The following ST3GAL2 variants were observed in gnomAD, a reference collection of about 807,000 sequenced individuals.
The protein encoded by ST3GAL2 is CMP-N-acetylneuraminate-beta-galactosamide-alpha-2,3-sialyltransferase 2.
A neutral mutation model predicts 37.5 loss-of-function variants in ST3GAL2; 16 were observed. The observed-to-expected ratio is 0.43, with a 90% CI of 0.29 to 0.65. The LOEUF (loss-of-function observed/expected upper bound fraction) is 0.65. Among genes scored for constraint, ST3GAL2 ranks in the 30% least tolerant of loss-of-function variants. The pLI, the probability that ST3GAL2 is intolerant of heterozygous loss-of-function variation, is 0.17. For missense variants in ST3GAL2, 383 were observed against 487.8 expected, an observed-to-expected ratio of 0.79 and a Z score of 2.02; for synonymous variants, 238 against 202.9, an observed-to-expected ratio of 1.17 and a Z score of -1.47.
At chr16:70,423,758 C>T (rs1172867155) in intron 1 of ST3GAL2, among the ~76,000 whole-genome samples, 1 of 148,336 alleles carries the variant, frequency 6.7e-6, no homozygotes, top group African/African-American at 2.5e-5. Context: ...CTCACCACAA[C>T]CTCCACCTCC....
chr16:70,380,384 G>C lies in ST3GAL2; in HGVS notation c.*1305C>G, dbSNP rs1263631824. 6.6e-6 allele frequency: 1 copy of C among 152,270 alleles called. No individual in the cohort carries two copies. The highest frequency in any genetic ancestry group is 1.5e-5 in the Non-Finnish European group (1 of 68,108). 9.4% of individuals were successfully genotyped at this position (152,270 alleles called of 1,614,324 possible). A position where few individuals can be genotyped will look rare whatever the true frequency, so the allele number is the denominator to read the frequency against. On this transcript the variant is annotated 3_prime_UTR_variant, in exon 7 of 7. Transcript: ENST00000342907. ...ATCTGCGCCGTCACTGTTGGGGAGG[G>C]GGCTCTATTAGTGGTTTGAGAGCTT... is the stretch of plus-strand genomic sequence containing the variant.
chr16:70,408,011 C>A (rs998125084), intron 1 of ST3GAL2, among the ~76,000 whole-genome samples: 1 of 152,136 alleles, frequency 6.6e-6, no homozygotes, highest in Non-Finnish European at 1.5e-5. Context: ...CCCCTCTCCA[C>A]CCACTTACAC....
At position 70,381,404 on chromosome 16, in the gene ST3GAL2, T is replaced by C; in HGVS notation, c.*285A>G. On this transcript the variant is annotated 3_prime_UTR_variant, in exon 7 of 7. Coordinates refer to ENST00000342907, the MANE Select transcript of ST3GAL2 (RefSeq NM_006927.4). ...ACCCAAAGCATGAGGGAGTGGGGAT[T>C]GAGCGGCCGCTGGCCCGCCCCCGAA... 1 of 421,710 alleles carries C rather than the reference T, an allele frequency of 2.4e-6. No homozygotes were observed. The highest frequency in any genetic ancestry group is 4.3e-6 in the Non-Finnish European group (1 of 231,748). The allele number at this position is 421,710 out of a possible 1,614,324, so 26.1% of individuals were successfully genotyped here.
intron 3 of ST3GAL2, among the ~76,000 whole-genome samples, chr16:70,390,870 T>C (rs1383353679): frequency 6.6e-6 from 1 of 152,200 alleles, no homozygotes; most frequent in African/African-American, 2.4e-5. Flanking sequence ...TCTTTTTTTT[T>C]CTGTTATGAC....
intron 1 of ST3GAL2, among the ~76,000 whole-genome samples, chr16:70,432,964 G>A (rs769203485): frequency 2.6e-5 from 4 of 152,236 alleles, no homozygotes; most frequent in African/African-American, 4.8e-5. Flanking sequence ...TCTGGGGCTC[G>A]GCGGCCCCAC....
Position 70,381,431 on chromosome 16 carries a change from G to T in ST3GAL2, c.*258C>A. On this transcript the variant is annotated 3_prime_UTR_variant, in exon 7 of 7. Transcript: ENST00000342907. The stretch of plus-strand genomic sequence containing the variant: ...AGCGGCCGCTGGCCCGCCCCCGAAG[G>T]CCATTGATTGGAGGAGACTGGACAC... 1 of 470,484 alleles carries T rather than the reference G, an allele frequency of 2.1e-6. No homozygotes were observed. The highest frequency in any genetic ancestry group is 3.8e-6 in the Non-Finnish European group (1 of 263,148). The allele number at this position is 470,484 out of a possible 1,614,324, so 29.1% of individuals were successfully genotyped here.
intron 1 of ST3GAL2, among the ~76,000 whole-genome samples, chr16:70,434,851 G>A (rs1032089836): frequency 6.6e-6 from 1 of 152,220 alleles, no homozygotes; most frequent in Non-Finnish European, 1.5e-5. Flanking sequence ...GGGTTCCTCA[G>A]TAACCCTACC....
Position 70,399,364 on chromosome 16 carries a change from G to A in ST3GAL2, c.-834C>T, listed in dbSNP as rs1245143497. ...GTGTCCAATACCATCTGGGTCAGGC[G>A]AGCTTGTGCTGAGCTCCCTACCAGG... On this transcript the variant is annotated 5_prime_UTR_variant, in exon 2 of 7. Coordinates refer to ENST00000342907, the MANE Select transcript of ST3GAL2 (RefSeq NM_006927.4). 4 of 398,616 alleles carry A rather than the reference G, an allele frequency of 1.0e-5. No homozygotes were observed. Among genetic ancestry groups the A allele is most frequent in the Non-Finnish European group, 1.3e-5 (3 of 226,184 alleles). 24.7% of individuals were successfully genotyped at this position (398,616 alleles called of 1,614,324 possible). A position where few individuals can be genotyped will look rare whatever the true frequency, so the allele number is the denominator to read the frequency against.
At chr16:70,427,605 G>A (rs1268853542) in intron 1 of ST3GAL2, among the ~76,000 whole-genome samples, 2 of 152,162 alleles carry the variant, frequency 1.3e-5, no homozygotes. Flanking sequence ...CCAAAGTGCT[G>A]GGATTACAGG....
At chr16:70,423,747 G>A (rs1331182950) in intron 1 of ST3GAL2, among the ~76,000 whole-genome samples, 3 of 149,542 alleles carry the variant, frequency 2.0e-5, no homozygotes, top group African/African-American at 2.5e-5. Flanking sequence ...TGTGATCTCG[G>A]CTCACCACAA....
chr16:70,381,675 C>T lies in ST3GAL2; in HGVS notation c.*14G>A. On this transcript the variant is annotated 3_prime_UTR_variant, in exon 7 of 7. Coordinates refer to ENST00000342907, the MANE Select transcript of ST3GAL2 (RefSeq NM_006927.4). ...CCCGATAGATGGGCCGGAAGGGTCGCGGCGAGGCCCGGCTCAGTTGCCCCG... is the reference window on the plus strand; with the variant it reads ...CCCGATAGATGGGCCGGAAGGGTCGTGGCGAGGCCCGGCTCAGTTGCCCCG... The T allele has an allele frequency of 6.2e-7, 1 of 1,610,910 alleles. No individual in the cohort carries two copies. Among genetic ancestry groups the T allele is most frequent in the Non-Finnish European group, 8.5e-7 (1 of 1,178,610 alleles).
At chr16:70,392,958 G>A (rs1824853699) in intron 3 of ST3GAL2, among the ~76,000 whole-genome samples, 1 of 152,008 alleles carries the variant, frequency 6.6e-6, no homozygotes, top group African/African-American at 2.4e-5. Context: ...CTTATCCACT[G>A]CCATCCAGTT....
Position 70,404,062 on chromosome 16 carries a change from T to C in ST3GAL2, c.-1003-4529A>G, listed in dbSNP as rs541939878. 2.6e-5 allele frequency among the ~76,000 whole-genome samples: 4 copies of C among 152,258 alleles called. No individual in the cohort carries two copies. In the South Asian group the frequency reaches 8.3e-4, roughly 32 times the overall value. ...AAACAGGCAGTTGAACACACCTGTT[T>C]GAAGCTCATGGGTGAGGTCAGAGTT... On this transcript the variant is annotated intron_variant, in intron 1 of 6. Transcript: ENST00000342907.
At chr16:70,423,110 G>C (rs111283317) in intron 1 of ST3GAL2, 1 of 152,310 alleles carries the variant, frequency 6.6e-6, no homozygotes, top group African/African-American at 2.4e-5. Context: ...GGGCATTCAG[G>C]AAGCTGACGT....
Position 70,388,427 on chromosome 16 carries a change from G to A in ST3GAL2, c.653C>T (p.Pro218Leu). 1 of 1,614,174 alleles carries A rather than the reference G, an allele frequency of 6.2e-7. No individual in the cohort carries two copies. The highest frequency in any genetic ancestry group is 8.5e-7 in the Non-Finnish European group (1 of 1,180,030). Reference protein sequence around the residue: ...LPANVSFVLVPFKVLDLLWIA... With the variant: ...LPANVSFVLVLFKVLDLLWIA... ...CCACAGAAGGTCCAGGACCTTGAAG[G>A]GCACCAGCACGAAGCTGACGTTGGC... is the stretch of plus-strand genomic sequence containing the variant. Residue 218 changes from proline to leucine, a missense_variant, in exon 4 of 7, where the codon CCC becomes CTC. By Grantham distance (98) the Pro-to-Leu change is moderately conservative (BLOSUM62 -3). Transcript: ENST00000342907.
chr16:70,379,160 C>CTGAT lies in ST3GAL2; in HGVS notation c.*2525_*2528dup, dbSNP rs1483293592. The CTGAT allele has an allele frequency of 1.3e-5, 2 of 152,180 alleles. No individual in the cohort carries two copies. Among genetic ancestry groups the CTGAT allele is most frequent in the Non-Finnish European group, 2.9e-5 (2 of 68,074 alleles). 9.4% of individuals were successfully genotyped at this position (152,180 alleles called of 1,614,324 possible). On this transcript the variant is annotated 3_prime_UTR_variant, in exon 7 of 7. Coordinates refer to ENST00000342907, the MANE Select transcript of ST3GAL2 (RefSeq NM_006927.4). ...TGTGGCCACCCAAATGTATCGGAGC[C>CTGAT]TGATGGATACCTGGAGACATCATGT...
intron 1 of ST3GAL2, among the ~76,000 whole-genome samples, chr16:70,424,995 A>T (rs191490305): frequency 1.1e-4 from 16 of 152,278 alleles, no homozygotes; most frequent in African/African-American, 3.6e-4. Context: ...GTTACAGGGC[A>T]CAGAGATGGC....
At chr16:70,386,425 C>CT (rs2047444124) in intron 4 of ST3GAL2, among the ~76,000 whole-genome samples, 1 of 152,014 alleles carries the variant, frequency 6.6e-6, no homozygotes, top group Non-Finnish European at 1.5e-5. Flanking sequence ...ATCTCCTTAC[C>CT]TTGTGATCCG....
In ST3GAL2 at chr16:70,380,801, G is replaced by C. The variant is rs1275488654; in HGVS notation, c.*888C>G. The C allele has an allele frequency of 3.9e-5, 6 of 152,836 alleles. No individual in the cohort carries two copies. Among genetic ancestry groups the C allele is most frequent in the Non-Finnish European group, 8.8e-5 (6 of 68,538 alleles). 9.5% of individuals were successfully genotyped at this position (152,836 alleles called of 1,614,324 possible). On this transcript the variant is annotated 3_prime_UTR_variant, in exon 7 of 7. Transcript: ENST00000342907. Reference sequence around the variant, plus strand: ...CCGGGCCCATAGCCAGCCTCCTTCCGCCGTGCAGCCCCCTCCCCAGGGGCC... The same window carrying C: ...CCGGGCCCATAGCCAGCCTCCTTCCCCCGTGCAGCCCCCTCCCCAGGGGCC...
Sources: gnomAD v4.1 joint callset for allele counts (sites outside exome capture counted in the v4.1 genomes callset) on GRCh38, gnomAD v4.1.1 for gene constraint, MANE v1.5 for transcripts, NCBI Gene and HGNC (gene_info 2026-07-23, HGNC 2026-07-21) for gene names.